Variants in NCAPD3 observed in about 807,000 individuals in gnomAD.
NCAPD3 encodes the protein non-SMC condensin II complex subunit D3, also known as condensin-2 complex subunit D3.
In NCAPD3, 105 loss-of-function variants were observed where a neutral mutation model predicts 182.9. That is an observed-to-expected ratio of 0.57 (90% confidence interval 0.49 to 0.68). NCAPD3 has a LOEUF of 0.68. NCAPD3 is among the 30% of genes least tolerant of loss of function. NCAPD3 has a pLI of 0.00. For missense variants in NCAPD3, 1,944 were observed against 1,837.0 expected (o/e 1.06, Z -1.07); for synonymous variants, 815 against 679.9 (o/e 1.20, Z -3.09).
chr11:134,174,815 T>C (rs1158319219), intron 24 of NCAPD3, among the ~76,000 whole-genome samples: 3 of 152,220 alleles, frequency 2.0e-5, no homozygotes, highest in Non-Finnish European at 4.4e-5. Flanking sequence ...GCATGCTCTA[T>C]ACATGTATCA....
At position 134,157,951 on chromosome 11, in the gene NCAPD3, C is replaced by T. The variant is rs1414229529; in HGVS notation, c.4151G>A (p.Ser1384Asn). 1.9e-5 allele frequency: 30 copies of T among 1,613,798 alleles called. No individual in the cohort carries two copies. Among genetic ancestry groups the T allele is most frequent in the Non-Finnish European group, 2.5e-5 (30 of 1,179,910 alleles). ...ACCCTGACTGCACGTTTTTTCTGGG[C>T]TTCCAGAATTTAAAGTGAAAGGCAG... The part of the protein sequence containing the change: ...GVLPFTLNSG[S>N]PEKTCSQVSS... Residue 1384 changes from serine to asparagine, a missense_variant, in exon 31 of 35, where the codon AGC becomes AAC. By Grantham distance (46) the Ser-to-Asn change is conservative (BLOSUM62 1). Transcript: ENST00000534548.
chr11:134,193,658 C>G (rs12294111), intron 15 of NCAPD3, among the ~76,000 whole-genome samples: 22,652 of 152,144 alleles, frequency 0.15, 1,772 homozygotes, highest in African/African-American at 0.2. Flanking sequence ...GAGGCTGAGG[C>G]AGGAGAGTTG....
At chr11:134,156,178 C>A (rs1305505795) in intron 32 of NCAPD3, among the ~76,000 whole-genome samples, 1 of 152,196 alleles carries the variant, frequency 6.6e-6, no homozygotes, top group Non-Finnish European at 1.5e-5. Context: ...CAGCTCTGCC[C>A]TCCCAGAAGT....
At chr11:134,207,809 C>T (rs1245818517) in intron 7 of NCAPD3, among the ~76,000 whole-genome samples, 1 of 150,808 alleles carries the variant, frequency 6.6e-6, no homozygotes, top group Admixed American at 6.6e-5. Flanking sequence ...ATGAATTTTC[C>T]CACCTATGTT....
At chr11:134,213,347 AGTCTC>A (rs1937909351) in intron 3 of NCAPD3, among the ~76,000 whole-genome samples, 1 of 150,396 alleles carries the variant, frequency 6.6e-6, no homozygotes, top group Non-Finnish European at 1.5e-5. Context: ...TCTGAGACAG[AGTCTC>A]ACTGTCACCC....
intron 13 of NCAPD3, among the ~76,000 whole-genome samples, chr11:134,198,499 C>T (rs1944683039): frequency 6.6e-6 from 1 of 152,210 alleles, no homozygotes; most frequent in Admixed American, 6.5e-5. Flanking sequence ...CCACCTTGGG[C>T]ACATGTTCTC....
intron 29 of NCAPD3, among the ~76,000 whole-genome samples, chr11:134,159,478 GCTA>G (rs1032732452): frequency 3.9e-5 from 6 of 152,236 alleles, no homozygotes; most frequent in African/African-American, 1.4e-4. Flanking sequence ...AAAGGAGTAT[GCTA>G]CTTTGTGCTC....
At chr11:134,185,952 G>A (rs1944397238) in intron 16 of NCAPD3, 1 of 148,814 alleles carries the variant, frequency 6.7e-6, no homozygotes, top group Admixed American at 6.8e-5. Flanking sequence ...CTGTCGCCCA[G>A]GCTGGAGTGC....
intron 20 of NCAPD3, 32 bp downstream of exon 20, chr11:134,181,045 G>A (rs140649554): frequency 0.023 from 35,119 of 1,518,444 alleles, 476 homozygotes; most frequent in Non-Finnish European, 0.027. Context: ...AAATGGAAGC[G>A]AAAAGAATGG....
upstream of NCAPD3, chr11:134,224,795 C>G (rs1316067650): frequency 1.3e-5 from 2 of 153,658 alleles, no homozygotes; most frequent in African/African-American, 4.8e-5. Flanking sequence ...GGCTGCCCCC[C>G]GCAGCATTGC....
At chr11:134,180,806 T>C (rs1222748175) in intron 20 of NCAPD3, among the ~76,000 whole-genome samples, 1 of 152,174 alleles carries the variant, frequency 6.6e-6, no homozygotes, top group Non-Finnish European at 1.5e-5. Flanking sequence ...TTACAACACA[T>C]ACTGTGTTTT....
At position 134,153,516 on chromosome 11, in the gene NCAPD3, T is replaced by C. The variant is rs572068901; in HGVS notation, c.4253-153A>G. ...TGGACCCTGTCCCAGGGCCTGGCAG[T>C]GTTGAGGGCCCCTCCTGGGGATGCT... On this transcript the variant is annotated intron_variant, in intron 32 of 34. Coordinates refer to ENST00000534548, the MANE Select transcript of NCAPD3 (RefSeq NM_015261.3). 618 of 748,520 alleles carry C rather than the reference T, an allele frequency of 8.3e-4. 3 individuals are homozygous for C. The African/African-American group carries it at 9.6e-3, about 12-fold the overall frequency. The allele number at this position is 748,520 out of a possible 1,614,324, so 46.4% of individuals were successfully genotyped here.
Position 134,220,608 on chromosome 11 carries a change from A to G in NCAPD3, c.183T>C (p.Leu61=). The G allele has an allele frequency of 6.2e-7, 1 of 1,614,058 alleles. No individual in the cohort carries two copies. Among genetic ancestry groups the G allele is most frequent in the Non-Finnish European group, 8.5e-7 (1 of 1,179,930 alleles). ...CATGTTCTCCAGTAGCAAAGGGTAAAAGGCTTTCATAGAGTTTTGTGAATG... is the reference window on the plus strand; with the variant it reads ...CATGTTCTCCAGTAGCAAAGGGTAAGAGGCTTTCATAGAGTTTTGTGAATG... ...LAAFTKLYES[L]LPFATGEHGS... Residue 61 remains leucine (L), a synonymous_variant, in exon 2 of 35, where the codon CTT becomes CTC. Transcript: ENST00000534548.
At chr11:134,192,049 G>A (rs1944534462) in intron 16 of NCAPD3, among the ~76,000 whole-genome samples, 1 of 152,154 alleles carries the variant, frequency 6.6e-6, no homozygotes, top group African/African-American at 2.4e-5. Flanking sequence ...GATTACGGAT[G>A]CTCAACCTGT....
chr11:134,221,401 T>G (rs1769783617), intron 1 of NCAPD3, among the ~76,000 whole-genome samples: 1 of 152,050 alleles, frequency 6.6e-6, no homozygotes, highest in African/African-American at 2.4e-5. Context: ...TAACTTAAAG[T>G]TTTTGGGTAC....
At chr11:134,192,643 C>T in intron 16 of NCAPD3, 46 bp downstream of exon 16, 2 of 1,526,212 alleles carry the variant, frequency 1.3e-6, no homozygotes, top group South Asian at 2.3e-5. Context: ...ATACAAAGTC[C>T]TACGGCCTTC....
At position 134,203,870 on chromosome 11, in the gene NCAPD3, C is replaced by A; in HGVS notation, c.1252G>T (p.Ala418Ser). The A allele has an allele frequency of 6.2e-7, 1 of 1,614,064 alleles. No individual in the cohort carries two copies. Among genetic ancestry groups the A allele is most frequent in the Non-Finnish European group, 8.5e-7 (1 of 1,179,980 alleles). The change falls in exon 11 of 35, where the codon GCT (alanine) becomes TCT (serine). Residue 418 changes from alanine to serine, a missense_variant. Ala to Ser is a moderately conservative substitution (Grantham distance 99). Around this residue, in one of 3 missense-constraint regions of NCAPD3, gnomAD observed 1,803 missense variants for 1,674.6 expected, o/e 1.08. Transcript: ENST00000534548. ...HRVFTLDVVL[A>S]LLELPEREVD... The stretch of plus-strand genomic sequence containing the variant: ...TCTCTTTCAGGCAGTTCTAACAGAG[C>A]TAAGACAACATCAAGAGTAAAAACC...
chr11:134,182,093 G>T (rs1389653824), intron 19 of NCAPD3, among the ~76,000 whole-genome samples: 1 of 152,026 alleles, frequency 6.6e-6, no homozygotes, highest in Non-Finnish European at 1.5e-5. Flanking sequence ...CCACAACATT[G>T]GCCCAAAGAG....
intron 13 of NCAPD3, among the ~76,000 whole-genome samples, chr11:134,201,568 G>A (rs149070470): frequency 6.6e-6 from 1 of 152,312 alleles, no homozygotes; most frequent in Non-Finnish European, 1.5e-5. Flanking sequence ...GTGCATCTAA[G>A]TGACTATACA....
Sources: gnomAD v4.1 joint callset for allele counts (sites outside exome capture counted in the v4.1 genomes callset) on GRCh38, gnomAD v4.1.1 for gene constraint, gnomAD v4.1.1 regional missense constraint, MANE v1.5 for transcripts, NCBI Gene and HGNC (gene_info 2026-07-23, HGNC 2026-07-21) for gene names.